GGT1: variants seen among roughly 807,000 people sequenced by gnomAD.
GGT1 encodes the protein gamma-glutamyltransferase 1, also known as glutathione hydrolase 1 proenzyme.
In GGT1, 21 loss-of-function variants were observed where a neutral mutation model predicts 56.0. The ratio of observed to expected loss-of-function variants is 0.38; its 90% CI spans 0.27 to 0.54. GGT1 has a LOEUF of 0.54. GGT1 is among the 20% of genes least tolerant of loss of function. GGT1 has a pLI of 0.82. For missense variants in GGT1, 466 were observed against 787.0 expected, an observed-to-expected ratio of 0.59 and a Z score of 4.88; for synonymous variants, 238 against 342.6, an observed-to-expected ratio of 0.69 and a Z score of 3.37.
chr22:24,593,648 G>T (rs1052284507), upstream of GGT1, among the ~76,000 whole-genome samples: 2 of 151,974 alleles, frequency 1.3e-5, no homozygotes, highest in African/African-American at 4.8e-5. Context: ...TTAGCCGGGC[G>T]TGGTGGCGGG....
chr22:24,591,557 C>A (rs973232337), upstream of GGT1, among the ~76,000 whole-genome samples: 1 of 152,232 alleles, frequency 6.6e-6, no homozygotes, highest in Non-Finnish European at 1.5e-5. Context: ...AGGGTCCCTG[C>A]AGGTTATGGA....
the GGT1 span, chr22:24,588,433 C>T: frequency 1.1e-6 from 1 of 880,476 alleles, no homozygotes. Context: ...TGAGCACAGT[C>T]ATGCACCATG....
upstream of GGT1, among the ~76,000 whole-genome samples, chr22:24,593,791 A>AG (rs932218764): frequency 6.6e-5 from 10 of 150,572 alleles, no homozygotes; most frequent in African/African-American, 2.5e-4. Context: ...TGTCTCAAAA[A>AG]AAAAAAAAAG....
At chr22:24,612,782 C>A (rs1185175215) in intron 5 of GGT1, among the ~76,000 whole-genome samples, 2 of 152,214 alleles carry the variant, frequency 1.3e-5, no homozygotes, top group African/African-American at 4.8e-5. Context: ...CTGCCTTGGC[C>A]TCCCAAAGTG....
upstream of GGT1, among the ~76,000 whole-genome samples, chr22:24,601,667 G>T (rs747565517): frequency 2.0e-5 from 3 of 152,248 alleles, no homozygotes; most frequent in Non-Finnish European, 1.5e-5. Flanking sequence ...CACTGGACTG[G>T]CCCTTTGAGC....
the GGT1 span, chr22:24,588,082 C>T: frequency 4.3e-6 from 3 of 698,780 alleles, no homozygotes; most frequent in South Asian, 1.7e-5. Flanking sequence ...AGGGTAGGGC[C>T]CTCATGCGGA....
At chr22:24,592,287 C>CT (rs1176934826), upstream of GGT1, 6 of 467,794 alleles carry the variant, frequency 1.3e-5, no homozygotes, top group Admixed American at 9.4e-5. Flanking sequence ...GATGTGTACT[C>CT]TAAGGGCATG....
intron 1 of GGT1, among the ~76,000 whole-genome samples, chr22:24,607,434 G>A (rs1378608252): frequency 1.3e-5 from 2 of 152,192 alleles, no homozygotes; most frequent in African/African-American, 2.4e-5. Flanking sequence ...GGAGGGGCTC[G>A]TGGGCAGACA....
At chr22:24,607,433 C>T (rs2330817) in intron 1 of GGT1, among the ~76,000 whole-genome samples, 389 of 152,294 alleles carry the variant, frequency 2.6e-3, no homozygotes, top group Non-Finnish European at 3.5e-3. Flanking sequence ...TGGAGGGGCT[C>T]GTGGGCAGAC....
At chr22:24,603,898 G>T (rs2045862947) in intron 1 of GGT1, among the ~76,000 whole-genome samples, 3 of 151,910 alleles carry the variant, frequency 2.0e-5, no homozygotes, top group Admixed American at 2.0e-4. Flanking sequence ...GTTGTGCGAG[G>T]GGTCATTGCC....
At chr22:24,618,299 C>T (rs1294101894) in intron 7 of GGT1, among the ~76,000 whole-genome samples, 1 of 152,190 alleles carries the variant, frequency 6.6e-6, no homozygotes, top group Non-Finnish European at 1.5e-5. Flanking sequence ...ATTAGAACTT[C>T]TCCTGTCTTG....
chr22:24,625,628 G>A (rs1347183805), intron 11 of GGT1, among the ~76,000 whole-genome samples: 2 of 151,614 alleles, frequency 1.3e-5, no homozygotes, highest in East Asian at 1.9e-4. Flanking sequence ...TGTAAGCTCC[G>A]CCTCCTGGGT....
the GGT1 span, chr22:24,585,517 GA>G: frequency 3.8e-6 from 1 of 263,528 alleles, no homozygotes; most frequent in Middle Eastern, 1.3e-3. Flanking sequence ...GCACCTGGGG[GA>G]AGGTCAGTGT....
At chr22:24,598,445 C>CAAA (rs1186508492), upstream of GGT1, among the ~76,000 whole-genome samples, 50 of 75,618 alleles carry the variant, frequency 6.6e-4, no homozygotes, top group African/African-American at 1.7e-3. Flanking sequence ...GACTCCGTCT[C>CAAA]AAAAAAAAAA....
intron 7 of GGT1, among the ~76,000 whole-genome samples, 195 bp downstream of exon 7, chr22:24,615,322 C>T (rs1444567391): frequency 6.6e-6 from 1 of 152,184 alleles, no homozygotes; most frequent in African/African-American, 2.4e-5. Context: ...CCGGGAGCTT[C>T]TGTTATTTCT....
chr22:24,605,147 A>T (rs1380946177), intron 1 of GGT1, among the ~76,000 whole-genome samples: 1 of 80,060 alleles, frequency 1.2e-5, no homozygotes, highest in East Asian at 3.1e-4. Flanking sequence ...ATAATATATA[A>T]TATGTATTAT....
chr22:24,628,474 A>G lies in GGT1; in HGVS notation c.1563+86A>G. The G allele has an allele frequency of 6.3e-7, 1 of 1,578,116 alleles. No homozygotes were observed. ...AGGCCTGGATCATCACAGAGTGGAC[A>G]ATGGTTGGTGTCCTCTCTCTAGTGC... On this transcript the variant is annotated intron_variant, in intron 15 of 15. Transcript: ENST00000400382. The surrounding 1 kb of genome is among the most constrained non-coding windows in gnomAD (Gnocchi z 5.7).
At chr22:24,583,760 TCCCA>T in the GGT1 span, 1 of 471,072 alleles carries the variant, frequency 2.1e-6, no homozygotes, top group Non-Finnish European at 4.4e-6. Context: ...GCCTGGATTC[TCCCA>T]GAGATTGCCT....
intron 1 of GGT1, among the ~76,000 whole-genome samples, chr22:24,596,637 C>T (rs1174225121): frequency 1.3e-5 from 2 of 151,540 alleles, no homozygotes; most frequent in African/African-American, 2.4e-5. Flanking sequence ...CGGTGGCTCA[C>T]GCCTGTAATC....
Sources: gnomAD v4.1 joint callset for allele counts (sites outside exome capture counted in the v4.1 genomes callset) on GRCh38, gnomAD v4.1.1 for gene constraint, Gnocchi (gnomAD v3.1) non-coding constraint, MANE v1.5 for transcripts, NCBI Gene and HGNC (gene_info 2026-07-23, HGNC 2026-07-21) for gene names.